The following IRS1 variants were observed in gnomAD, a reference collection of about 807,000 sequenced individuals.
IRS1 encodes the protein insulin receptor substrate 1.
In IRS1, 34 loss-of-function variants were observed where a neutral mutation model predicts 65.6. The ratio of observed to expected loss-of-function variants is 0.52; its 90% CI spans 0.39 to 0.69. IRS1 has a LOEUF of 0.69. Ranked by LOEUF, IRS1 falls within the 30% of genes least tolerant of loss-of-function variation. The pLI, the probability that IRS1 is intolerant of heterozygous loss-of-function variation, is 0.00. For missense variants in IRS1, 1,641 were observed against 1,720.2 expected (o/e 0.95, Z 0.81); for synonymous variants, 699 against 683.5 (o/e 1.02, Z -0.35).
intron 1 of IRS1, chr2:226,792,146 CTTTT>C (rs915107672): frequency 6.6e-6 from 1 of 151,442 alleles, no homozygotes; most frequent in Non-Finnish European, 1.5e-5. Flanking sequence ...TTTTCTTTTT[CTTTT>C]TTCTTTTAAA....
At chr2:226,787,111 A>G (rs1343189821) in intron 1 of IRS1, among the ~76,000 whole-genome samples, 1 of 152,098 alleles carries the variant, frequency 6.6e-6, no homozygotes. Context: ...ACAAGTCCAC[A>G]TTCAACCCCT....
intron 1 of IRS1, among the ~76,000 whole-genome samples, chr2:226,743,198 A>G (rs1430345188): frequency 6.6e-6 from 1 of 152,052 alleles, no homozygotes; most frequent in Non-Finnish European, 1.5e-5. Context: ...CTTCATTTCA[A>G]GTCAGACCAC....
intron 1 of IRS1, among the ~76,000 whole-genome samples, chr2:226,767,450 T>C (rs534656226): frequency 2.0e-5 from 3 of 152,214 alleles, no homozygotes; most frequent in Non-Finnish European, 4.4e-5. Context: ...TGGTGGAGGC[T>C]TAAAATGAGC....
chr2:226,796,787 C>G lies in IRS1; in HGVS notation c.1952G>C (p.Arg651Thr). ...SAPQQIINPI[R>T]RHPQRVDPNG... ...GGGGTCCACTCTCTGGGGATGGCGT[C>G]TGATGGGATTGATGATCTGCTGTGG... The change falls in exon 1 of 2, where the codon AGA becomes ACA. Residue 651 changes from arginine (R) to threonine (T), a missense_variant. Physicochemically the swap from Arg to Thr is moderately conservative, Grantham distance 71. This residue lies in a region of IRS1 where 1,324 missense variants were observed against 1,361.0 expected (regional missense o/e 0.97). Transcript: ENST00000305123. The G allele has an allele frequency of 6.3e-7, 1 of 1,584,914 alleles. No homozygotes were observed. The highest frequency in any genetic ancestry group is 1.2e-5 in the South Asian group (1 of 85,296).
chr2:226,783,448 T>C (rs1490640205), intron 1 of IRS1, among the ~76,000 whole-genome samples: 3 of 152,346 alleles, frequency 2.0e-5, no homozygotes, highest in Non-Finnish European at 1.5e-5. Context: ...TACTTGTTTA[T>C]TTTTGCCCCC....
Position 226,797,189 on chromosome 2 carries a change from A to G in IRS1, c.1550T>C (p.Leu517Pro), listed in dbSNP as rs756697376. 6.2e-7 allele frequency: 1 copy of G among 1,613,978 alleles called. No homozygotes were observed. Among genetic ancestry groups the G allele is most frequent in the Non-Finnish European group, 8.5e-7 (1 of 1,180,008 alleles). Residue 517 changes from leucine to proline, a missense_variant, in exon 1 of 2, where the codon CTG (leucine) becomes CCG (proline). Physicochemically the swap from Leu to Pro is moderately conservative, Grantham distance 98. This residue lies in a region of IRS1 where 1,324 missense variants were observed against 1,361.0 expected (regional missense o/e 0.97). Coordinates refer to ENST00000305123, the MANE Select transcript of IRS1 (RefSeq NM_005544.3). The surrounding 1 kb of genome is among the most constrained non-coding windows in gnomAD (Gnocchi z 8.1). The stretch of plus-strand genomic sequence containing the variant: ...AGTTCTCTTTCGGAACCGATTATCC[A>G]GATCTGCAGCACTGGCTGCTTCATC... ...AGDEAASAAD[L>P]DNRFRKRTHS... is the part of the protein sequence containing the mutation.
In IRS1 at chr2:226,795,251, G is replaced by A; in HGVS notation, c.3488C>T (p.Pro1163Leu). 1 of 1,613,976 alleles carries A rather than the reference G, an allele frequency of 6.2e-7. No individual in the cohort carries two copies. Among genetic ancestry groups the A allele is most frequent in the Admixed American group, 1.7e-5 (1 of 60,024 alleles). ...PGELGGAPKE[P>L]AKLCGAAGGL... Reference sequence around the variant, plus strand: ...CCCAGCAGCCCCACACAGTTTGGCTGGCTCCTTGGGGGCTCCCCCAAGCTC... The same window carrying A: ...CCCAGCAGCCCCACACAGTTTGGCTAGCTCCTTGGGGGCTCCCCCAAGCTC... Residue 1163 changes from proline to leucine, a missense_variant, in exon 1 of 2, where the codon CCA (proline) becomes CTA (leucine). Pro to Leu is a moderately conservative substitution (Grantham distance 98, BLOSUM62 -3). Coordinates refer to ENST00000305123, the MANE Select transcript of IRS1 (RefSeq NM_005544.3).
At chr2:226,762,357 C>CAAAAAAAAAAAAAAAAAAA in intron 1 of IRS1, among the ~76,000 whole-genome samples, 1 of 119,832 alleles carries the variant, frequency 8.3e-6, no homozygotes. Context: ...CATAAAAATG[C>CAAAAAAAAAAAAAAAAAAA]AAAAAAAAAA....
chr2:226,782,117 G>A (rs538629693), intron 1 of IRS1, among the ~76,000 whole-genome samples: 1 of 152,060 alleles, frequency 6.6e-6, no homozygotes, highest in East Asian at 1.9e-4. Flanking sequence ...GAATTGGGAA[G>A]GGGGGCAGAG....
intron 1 of IRS1, among the ~76,000 whole-genome samples, chr2:226,756,489 AAACT>A (rs530412313): frequency 7.2e-4 from 110 of 152,350 alleles, no homozygotes; most frequent in South Asian, 1.2e-3. Flanking sequence ...GAAAAAAAAC[AAACT>A]AACATATTTT....
At chr2:226,790,401 A>AGTATTTATT (rs1939567604) in intron 1 of IRS1, among the ~76,000 whole-genome samples, 1 of 152,146 alleles carries the variant, frequency 6.6e-6, no homozygotes, top group South Asian at 2.1e-4. Context: ...TGCTGGAGAT[A>AGTATTTATT]GTATTTATTG....
At chr2:226,751,613 C>A (rs1417104992) in intron 1 of IRS1, among the ~76,000 whole-genome samples, 3 of 151,970 alleles carry the variant, frequency 2.0e-5, no homozygotes, top group Non-Finnish European at 4.4e-5. Context: ...GCTTAGTGTT[C>A]AGGCTAAGGA....
intron 1 of IRS1, among the ~76,000 whole-genome samples, chr2:226,750,945 G>T (rs760784163): frequency 6.6e-6 from 1 of 152,070 alleles, no homozygotes; most frequent in Non-Finnish European, 1.5e-5. Context: ...CACACTCAGT[G>T]GCAAAGGAGT....
At chr2:226,793,054 A>G (rs1293746208) in intron 1 of IRS1, among the ~76,000 whole-genome samples, 1 of 152,204 alleles carries the variant, frequency 6.6e-6, no homozygotes, top group Non-Finnish European at 1.5e-5. Flanking sequence ...TATTTTCCCA[A>G]AGAAGGTTAA....
rs951711800 is a variant in IRS1 at position 226,799,143 on chromosome 2, C to A, written c.-405G>T. 6 of 1,081,350 alleles carry A rather than the reference C, an allele frequency of 5.5e-6. No individual in the cohort carries two copies. Among genetic ancestry groups the A allele is most frequent in the Non-Finnish European group, 6.9e-6 (6 of 874,726 alleles). 67.0% of individuals were successfully genotyped at this position (1,081,350 alleles called of 1,614,324 possible). A position where few individuals can be genotyped will look rare whatever the true frequency, so the allele number is the denominator to read the frequency against. On this transcript the variant is annotated 5_prime_UTR_variant, in exon 1 of 2. Coordinates refer to ENST00000305123, the MANE Select transcript of IRS1 (RefSeq NM_005544.3). The surrounding 1 kb of genome is among the most constrained non-coding windows in gnomAD (Gnocchi z 6.1). ...TCCCTGCGGTGCCCCTCCAGGAGCG[C>A]GCGCGCGCGCGCGCCTTCCCTCCTG...
intron 1 of IRS1, among the ~76,000 whole-genome samples, chr2:226,774,478 A>C (rs1939230056): frequency 6.6e-6 from 1 of 152,198 alleles, no homozygotes; most frequent in African/African-American, 2.4e-5. Context: ...GGTTTGAAAC[A>C]CTGTACTACA....
intron 1 of IRS1, among the ~76,000 whole-genome samples, chr2:226,782,737 A>G (rs1291231612): frequency 6.6e-6 from 1 of 152,222 alleles, no homozygotes; most frequent in African/African-American, 2.4e-5. Context: ...GCTGTGGCTC[A>G]TGCCTGGAAT....
chr2:226,798,597 CGTA>C lies in IRS1; in HGVS notation c.139_141del (p.Tyr47del), dbSNP rs1939809716. Reference sequence around the variant, plus strand: ...TTGTGCCGCCACTTCTTCTCGTTCTCGTAGTACTCGAGGCGCGCCGGGCCCCCA... The same window carrying C: ...TTGTGCCGCCACTTCTTCTCGTTCTCGTACTCGAGGCGCGCCGGGCCCCCA... On this transcript the variant is annotated inframe_deletion, in exon 1 of 2. Transcript: ENST00000305123. This position sits in a 1 kb window ranked among gnomAD's most constrained non-coding sequence, Gnocchi z 9.4. 2 of 1,613,600 alleles carry C rather than the reference CGTA, an allele frequency of 1.2e-6. No homozygotes were observed. Among genetic ancestry groups the C allele is most frequent in the Non-Finnish European group, 8.5e-7 (1 of 1,179,834 alleles).
At chr2:226,739,696 C>G (rs1347899420) in intron 1 of IRS1, among the ~76,000 whole-genome samples, 1 of 152,164 alleles carries the variant, frequency 6.6e-6, no homozygotes, top group Non-Finnish European at 1.5e-5. Context: ...AGAGACAGAC[C>G]TCAACATATG....
Sources: allele counts gnomAD v4.1 joint callset (sites outside exome capture counted in the v4.1 genomes callset), GRCh38; gene constraint gnomAD v4.1.1; regional missense constraint gnomAD v4.1.1; non-coding constraint Gnocchi (gnomAD v3.1); transcripts MANE v1.5; gene names NCBI Gene and HGNC (gene_info 2026-07-23, HGNC 2026-07-21).